The following TMEM150C variants were observed in gnomAD, a reference collection of about 807,000 sequenced individuals.
TMEM150C encodes the protein transmembrane protein 150C, also known as tentonin 3.
A neutral mutation model predicts 29.9 loss-of-function variants in TMEM150C; 10 were observed. The ratio of observed to expected loss-of-function variants is 0.33; its 90% CI spans 0.21 to 0.57. The LOEUF is 0.57. Among genes scored for constraint, TMEM150C ranks in the 20% least tolerant of loss-of-function variants. The pLI, the probability that TMEM150C is intolerant of heterozygous loss-of-function variation, is 0.88. For missense variants in TMEM150C, 251 were observed against 303.6 expected (o/e 0.83, Z 1.29); for synonymous variants, 101 against 112.5 (o/e 0.90, Z 0.64).
In TMEM150C at chr4:82,560,104, A is replaced by G. The variant is rs1324671943; in HGVS notation, c.-11+1802T>C. The stretch of plus-strand genomic sequence containing the variant: ...CTACAACAAAGGCTAAATAGAACGC[A>G]TTATTGTGTTCACGCAAAAAAAAAA... On this transcript the variant is annotated intron_variant, in intron 1 of 7. Transcript: ENST00000449862. Among the ~76,000 whole-genome samples the G allele has an allele frequency of 2.0e-5, 3 of 146,504 alleles. No homozygotes were observed. The East Asian group carries it at 5.9e-4, about 29-fold the overall frequency.
chr4:82,539,545 C>T (rs987950679), intron 1 of TMEM150C, among the ~76,000 whole-genome samples: 1 of 152,026 alleles, frequency 6.6e-6, no homozygotes, highest in Non-Finnish European at 1.5e-5. Context: ...CTCCGCCTCC[C>T]GGGTTCACGC....
rs1307620241 is a variant in TMEM150C, at chr4:82,502,790, C to T, written c.172G>A (p.Ala58Thr). The T allele has an allele frequency of 3.3e-5, 53 of 1,603,236 alleles. No homozygotes were observed. Among genetic ancestry groups the T allele is most frequent in the Non-Finnish European group, 4.5e-5 (53 of 1,174,348 alleles). ...GVKHAPYISIAGDDPPASCVF... is the reference protein window; with the variant it reads ...GVKHAPYISITGDDPPASCVF... ...CAGCTTGCAGGAGGATCATCACCTGCAATGCTTGAAAAAGATGAAATGTTT... is the reference window on the plus strand; with the variant it reads ...CAGCTTGCAGGAGGATCATCACCTGTAATGCTTGAAAAAGATGAAATGTTT... Residue 58 changes from alanine (A) to threonine (T), a missense_variant, in exon 5 of 8, where the codon GCA becomes ACA. Physicochemically the swap from Ala to Thr is moderately conservative, Grantham distance 58. Transcript: ENST00000449862.
intron 5 of TMEM150C, among the ~76,000 whole-genome samples, chr4:82,498,282 T>G (rs1267952133): frequency 6.6e-6 from 1 of 151,900 alleles, no homozygotes; most frequent in Non-Finnish European, 1.5e-5. Flanking sequence ...CCCAAAGTGC[T>G]GGGATTATAG....
intron 1 of TMEM150C, among the ~76,000 whole-genome samples, chr4:82,527,212 A>G (rs1578142298): frequency 6.7e-6 from 1 of 149,648 alleles, no homozygotes; most frequent in African/African-American, 2.6e-5. Flanking sequence ...AATGGACACA[A>G]GAGACATTTT....
At chr4:82,490,357 A>G in intron 6 of TMEM150C, 119 bp from the exon 7 acceptor site, 1 of 878,166 alleles carries the variant, frequency 1.1e-6, no homozygotes, top group East Asian at 2.4e-5. Flanking sequence ...TAATGGGATG[A>G]TAGATTGCAG....
intron 1 of TMEM150C, among the ~76,000 whole-genome samples, chr4:82,507,822 A>C (rs1723989915): frequency 7.8e-6 from 1 of 127,986 alleles, no homozygotes; most frequent in Admixed American, 1.0e-4. Flanking sequence ...ATTATGGCTC[A>C]CTGCTGCCTC....
At chr4:82,539,008 A>C (rs1725110794) in intron 1 of TMEM150C, among the ~76,000 whole-genome samples, 1 of 152,216 alleles carries the variant, frequency 6.6e-6, no homozygotes, top group Admixed American at 6.5e-5. Context: ...TCAAAGCTGC[A>C]GTGAGCTGAG....
At chr4:82,523,373 G>C (rs1047452917) in intron 1 of TMEM150C, among the ~76,000 whole-genome samples, 1 of 152,150 alleles carries the variant, frequency 6.6e-6, no homozygotes, top group Non-Finnish European at 1.5e-5. Flanking sequence ...TGTCACTTAC[G>C]TAGCCCTGCG....
At chr4:82,526,397 T>G (rs1724653420) in intron 1 of TMEM150C, among the ~76,000 whole-genome samples, 1 of 152,208 alleles carries the variant, frequency 6.6e-6, no homozygotes, top group South Asian at 2.1e-4. Context: ...ATTTGGCCTT[T>G]GGAATCACCC....
Position 82,502,777 on chromosome 4 carries a change from G to A in TMEM150C, c.185C>T (p.Pro62Leu). ...TTGACTAAACACACAGCTTGCAGGA[G>A]GATCATCACCTGCAATGCTTGAAAA... ...APYISIAGDD[P>L]PASCVFSQVM... The change falls in exon 5 of 8, where the codon CCT becomes CTT. Residue 62 changes from proline to leucine, a missense_variant. Physicochemically the swap from Pro to Leu is moderately conservative, Grantham distance 98. Transcript: ENST00000449862. 1 of 1,607,654 alleles carries A rather than the reference G, an allele frequency of 6.2e-7. No individual in the cohort carries two copies. The highest frequency in any genetic ancestry group is 8.5e-7 in the Non-Finnish European group (1 of 1,176,790).
intron 1 of TMEM150C, among the ~76,000 whole-genome samples, chr4:82,527,888 C>T (rs536671239): frequency 4.6e-5 from 7 of 152,278 alleles, no homozygotes; most frequent in African/African-American, 1.7e-4. Context: ...GGTAAGGTCT[C>T]ATTCTGGTAA....
chr4:82,498,048 T>C (rs1723613456), intron 5 of TMEM150C, among the ~76,000 whole-genome samples: 1 of 151,864 alleles, frequency 6.6e-6, no homozygotes. Context: ...AGAGTCTTAC[T>C]CTGTTGCTCA....
chr4:82,561,535 C>T (rs1725926963), intron 1 of TMEM150C, among the ~76,000 whole-genome samples: 2 of 150,966 alleles, frequency 1.3e-5, no homozygotes, highest in Admixed American at 6.6e-5. Flanking sequence ...GGTGGGGACA[C>T]CTGTCAAAGG....
chr4:82,501,000 G>A (rs1296228111), intron 5 of TMEM150C, among the ~76,000 whole-genome samples: 3 of 152,212 alleles, frequency 2.0e-5, no homozygotes, highest in African/African-American at 7.2e-5. Flanking sequence ...ACGAATAGAT[G>A]GCAGCCTGCA....
intron 1 of TMEM150C, among the ~76,000 whole-genome samples, chr4:82,544,782 A>C (rs1410733953): frequency 6.6e-6 from 1 of 152,156 alleles, no homozygotes; most frequent in Non-Finnish European, 1.5e-5. Flanking sequence ...ATGCAAAAAA[A>C]AACTGAAATG....
intron 1 of TMEM150C, among the ~76,000 whole-genome samples, chr4:82,545,032 C>T (rs1237102706): frequency 6.6e-6 from 1 of 152,052 alleles, no homozygotes; most frequent in Non-Finnish European, 1.5e-5. Flanking sequence ...GGGACTCCTC[C>T]CTAACTCATT....
intron 1 of TMEM150C, among the ~76,000 whole-genome samples, chr4:82,506,004 A>C (rs1723907674): frequency 6.6e-6 from 1 of 152,218 alleles, no homozygotes; most frequent in Non-Finnish European, 1.5e-5. Flanking sequence ...GACAATCAGA[A>C]GAACAATGTG....
chr4:82,489,911 T>C, intron 7 of TMEM150C, 150 bp downstream of exon 7: 1 of 688,976 alleles, frequency 1.5e-6, no homozygotes, highest in Non-Finnish European at 2.4e-6. Flanking sequence ...AAAATTGGTC[T>C]GAGGGTTTTT....
chr4:82,510,669 C>G (rs1207074189), intron 1 of TMEM150C, among the ~76,000 whole-genome samples: 1 of 152,184 alleles, frequency 6.6e-6, no homozygotes, highest in Admixed American at 6.5e-5. Context: ...CTGTATTATG[C>G]TGAAAGTGCT....
Sources: allele counts gnomAD v4.1 joint callset (sites outside exome capture counted in the v4.1 genomes callset), GRCh38; gene constraint gnomAD v4.1.1; transcripts MANE v1.5; gene names NCBI Gene and HGNC (gene_info 2026-07-23, HGNC 2026-07-21).